Variants in SH3BGRL observed in about 807,000 individuals in gnomAD.
SH3BGRL encodes SH3 domain binding glutamate rich protein like.
A neutral mutation model predicts 9.8 loss-of-function variants in SH3BGRL; 7 were observed. The ratio of observed to expected loss-of-function variants is 0.72; its 90% CI spans 0.41 to 1.35. The LOEUF (loss-of-function observed/expected upper bound fraction) is 1.35, where lower values mean the gene tolerates loss of function less well. SH3BGRL is among the 40% of genes most tolerant of loss of function. SH3BGRL has a pLI of 0.01. For missense variants in SH3BGRL, 73 were observed against 84.4 expected, an observed-to-expected ratio of 0.86 and a Z score of 0.53; for synonymous variants, 36 against 29.1, an observed-to-expected ratio of 1.24 and a Z score of -0.76.
chrX:81,271,781 A>T (rs893297830), intron 1 of SH3BGRL, among the ~76,000 whole-genome samples: 2 of 111,545 alleles, frequency 1.8e-5, no homozygotes, highest in African/African-American at 6.5e-5. Flanking sequence ...AGCAACCCCA[A>T]GACACATAAT....
intron 1 of SH3BGRL, among the ~76,000 whole-genome samples, chrX:81,222,425 T>G (rs945447240): frequency 9.4e-6 from 1 of 106,346 alleles, no homozygotes; most frequent in Admixed American, 1.0e-4. Context: ...ATGCGGTGTT[T>G]GGCTTTTTGT....
intron 1 of SH3BGRL, chrX:81,202,520 G>A (rs1438937858): frequency 3.1e-6 from 3 of 960,584 alleles, no homozygotes; most frequent in Non-Finnish European, 3.9e-6. Flanking sequence ...TTGGGAGATG[G>A]GAGATGGTGC....
chrX:81,274,921 A>T (rs185837561), intron 1 of SH3BGRL, among the ~76,000 whole-genome samples: 1 of 111,284 alleles, frequency 9.0e-6, no homozygotes, highest in East Asian at 2.8e-4. Flanking sequence ...AGCTTTATGG[A>T]GATGTAGAAC....
intron 1 of SH3BGRL, among the ~76,000 whole-genome samples, chrX:81,260,565 A>G (rs2075738223): frequency 9.0e-6 from 1 of 110,839 alleles, no homozygotes; most frequent in Non-Finnish European, 1.9e-5. Context: ...CACACTCTAA[A>G]GTGGGGTCTG....
At chrX:81,209,836 A>C (rs1294550873) in intron 1 of SH3BGRL, among the ~76,000 whole-genome samples, 2 of 111,627 alleles carry the variant, frequency 1.8e-5, no homozygotes, top group Admixed American at 1.9e-4. Flanking sequence ...TTTTAAAATC[A>C]AATGAATTCA....
chrX:81,283,115 A>T (rs987838347), intron 3 of SH3BGRL, among the ~76,000 whole-genome samples: 1 of 111,973 alleles, frequency 8.9e-6, no homozygotes, highest in African/African-American at 3.2e-5. Context: ...CCTAGCTTAA[A>T]TCAGAAAGAA....
intron 3 of SH3BGRL, among the ~76,000 whole-genome samples, chrX:81,284,035 G>T (rs1343134391): frequency 2.7e-5 from 3 of 109,572 alleles, no homozygotes; most frequent in Admixed American, 9.8e-5. Context: ...TGACCAAGTG[G>T]AGAATCAAAT....
chrX:81,284,622 T>C (rs979480243), intron 3 of SH3BGRL, among the ~76,000 whole-genome samples: 10 of 110,106 alleles, frequency 9.1e-5, no homozygotes, highest in African/African-American at 3.0e-4. Flanking sequence ...GAGAAAGGAA[T>C]AAAAATAAAG....
chrX:81,281,912 G>T (rs900135973), intron 3 of SH3BGRL, among the ~76,000 whole-genome samples: 2 of 111,765 alleles, frequency 1.8e-5, no homozygotes, highest in Non-Finnish European at 3.8e-5. Flanking sequence ...ATAAGAACTC[G>T]CCAACCAACT....
intron 3 of SH3BGRL, among the ~76,000 whole-genome samples, chrX:81,278,822 T>C (rs1170173798): frequency 8.9e-6 from 1 of 112,178 alleles, no homozygotes; most frequent in African/African-American, 3.2e-5. Context: ...GAGTCATCCA[T>C]TCAAGTTAAT....
chrX:81,276,190 T>C (rs771783675), intron 1 of SH3BGRL, among the ~76,000 whole-genome samples: 1 of 110,025 alleles, frequency 9.1e-6, no homozygotes, highest in African/African-American at 3.3e-5. Flanking sequence ...CTGAACTGAA[T>C]AGTATTAATT....
intron 1 of SH3BGRL, among the ~76,000 whole-genome samples, chrX:81,225,300 TA>T (rs745728754): frequency 2.7e-5 from 3 of 111,343 alleles, no homozygotes; most frequent in Non-Finnish European, 5.7e-5. Context: ...TTTTATAATT[TA>T]GGGGGTACAA....
At chrX:81,243,056 A>G (rs6622427) in intron 1 of SH3BGRL, among the ~76,000 whole-genome samples, 19,875 of 111,592 alleles carry the variant, frequency 0.18, 1,677 homozygotes, top group East Asian at 0.69. Flanking sequence ...CAAAGAAAGG[A>G]AATCAGTATA....
intron 1 of SH3BGRL, among the ~76,000 whole-genome samples, chrX:81,242,010 T>A (rs1458178334): frequency 8.9e-6 from 1 of 112,268 alleles, no homozygotes; most frequent in Non-Finnish European, 1.9e-5. Flanking sequence ...CCTTGGCAGG[T>A]ATGGGATCCA....
chrX:81,223,849 TA>T (rs963174981), intron 1 of SH3BGRL, among the ~76,000 whole-genome samples: 6 of 111,054 alleles, frequency 5.4e-5, no homozygotes, highest in Admixed American at 2.9e-4. Context: ...TCTGACTGAT[TA>T]AAAAAAACTT....
intron 3 of SH3BGRL, among the ~76,000 whole-genome samples, chrX:81,284,394 TC>T (rs2075827802): frequency 9.8e-6 from 1 of 101,976 alleles, no homozygotes; most frequent in African/African-American, 3.6e-5. Context: ...TTTAGGAGCC[TC>T]CCCCCACCAA....
chrX:81,234,994 A>C (rs1450803710), intron 1 of SH3BGRL, among the ~76,000 whole-genome samples: 2 of 111,695 alleles, frequency 1.8e-5, no homozygotes, highest in African/African-American at 3.3e-5. Context: ...ATGTAATGGA[A>C]CAAGCTATCA....
At chrX:81,204,483 G>C (rs1396183646) in intron 1 of SH3BGRL, among the ~76,000 whole-genome samples, 1 of 111,527 alleles carries the variant, frequency 9.0e-6, no homozygotes, top group East Asian at 2.8e-4. Flanking sequence ...CACATAGTGA[G>C]ATACTTCAAT....
chrX:81,256,136 C>T (rs1399579952), intron 1 of SH3BGRL, among the ~76,000 whole-genome samples: 5 of 112,058 alleles, frequency 4.5e-5, no homozygotes, highest in Non-Finnish European at 9.4e-5. Flanking sequence ...TGGATTTTCA[C>T]AGTGAACACT....
Sources: allele counts gnomAD v4.1 joint callset (sites outside exome capture counted in the v4.1 genomes callset), GRCh38; gene constraint gnomAD v4.1.1; transcripts MANE v1.5; gene names NCBI Gene and HGNC (gene_info 2026-07-23, HGNC 2026-07-21).